ANKFN1: variants seen among roughly 807,000 people sequenced by gnomAD.
The protein encoded by ANKFN1 is ankyrin repeat and fibronectin type III domain containing 1.
In ANKFN1, 74 loss-of-function variants were observed where a neutral mutation model predicts 108.7. The ratio of observed to expected loss-of-function variants is 0.68; its 90% CI spans 0.56 to 0.83. The LOEUF (loss-of-function observed/expected upper bound fraction) is 0.83, where lower values mean the gene tolerates loss of function less well. ANKFN1 is among the 40% of genes least tolerant of loss of function. The pLI is 0.00. For synonymous variants in ANKFN1, 547 were observed against 516.2 expected (o/e 1.06, Z -0.81); for missense variants, 1,505 against 1,382.3 (o/e 1.09, Z -1.41).
At chr17:56,246,553 T>C (rs1917971802) in intron 3 of ANKFN1, among the ~76,000 whole-genome samples, 1 of 152,146 alleles carries the variant, frequency 6.6e-6, no homozygotes, top group Admixed American at 6.6e-5. Flanking sequence ...TTTTTTTCCC[T>C]GGTGGAGCAC....
intron 8 of ANKFN1, among the ~76,000 whole-genome samples, chr17:56,383,701 C>A (rs1350679007): frequency 6.6e-6 from 1 of 152,178 alleles, no homozygotes; most frequent in African/African-American, 2.4e-5. Context: ...ACTACAAACA[C>A]CTCTATGCAA....
At chr17:56,298,757 A>G (rs1030639960) in intron 3 of ANKFN1, among the ~76,000 whole-genome samples, 1 of 152,242 alleles carries the variant, frequency 6.6e-6, no homozygotes, top group Non-Finnish European at 1.5e-5. Context: ...ATTTTCACAC[A>G]CAATGTACAG....
chr17:56,229,313 G>A (rs1288003126), intron 3 of ANKFN1, among the ~76,000 whole-genome samples: 2 of 151,950 alleles, frequency 1.3e-5, no homozygotes, highest in Non-Finnish European at 2.9e-5. Flanking sequence ...TCTCCTTTTC[G>A]TGTGCTGTCA....
chr17:56,396,047 CAAAAA>C (rs201799240), intron 8 of ANKFN1, among the ~76,000 whole-genome samples: 7 of 151,858 alleles, frequency 4.6e-5, no homozygotes, highest in Admixed American at 6.6e-5. Context: ...CAAAACAAAA[CAAAAA>C]AAACAAAAAA....
chr17:56,214,165 G>A (rs572279285), intron 2 of ANKFN1, among the ~76,000 whole-genome samples: 2 of 152,232 alleles, frequency 1.3e-5, no homozygotes, highest in Admixed American at 6.5e-5. Flanking sequence ...TCACAAAAAT[G>A]TGGGGAGGTC....
chr17:56,285,015 T>C (rs915162138), intron 3 of ANKFN1, among the ~76,000 whole-genome samples: 1 of 152,210 alleles, frequency 6.6e-6, no homozygotes, highest in Non-Finnish European at 1.5e-5. Flanking sequence ...CAAGATCTTA[T>C]TTCTTCTGTG....
intron 4 of ANKFN1, among the ~76,000 whole-genome samples, chr17:56,340,991 T>C (rs1374358023): frequency 6.6e-6 from 1 of 152,120 alleles, no homozygotes; most frequent in Non-Finnish European, 1.5e-5. Flanking sequence ...GAGCAGTGGT[T>C]TTAGTTCTCC....
At chr17:56,298,059 A>G (rs547157423) in intron 3 of ANKFN1, among the ~76,000 whole-genome samples, 18 of 152,304 alleles carry the variant, frequency 1.2e-4, no homozygotes, top group African/African-American at 4.1e-4. Context: ...AAACTTGGAA[A>G]CTTGGTAAAA....
intron 3 of ANKFN1, among the ~76,000 whole-genome samples, chr17:56,273,102 T>G (rs1404419490): frequency 6.6e-6 from 1 of 152,198 alleles, no homozygotes; most frequent in Non-Finnish European, 1.5e-5. Context: ...TGGCTGACAC[T>G]CCGAATCTCT....
At chr17:56,164,072 C>G (rs1198979849) in intron 1 of ANKFN1, among the ~76,000 whole-genome samples, 1 of 152,138 alleles carries the variant, frequency 6.6e-6, no homozygotes, top group Non-Finnish European at 1.5e-5. Flanking sequence ...AATGTGGACC[C>G]CCAAGGCCTC....
chr17:56,343,579 C>T (rs575185705), intron 4 of ANKFN1, among the ~76,000 whole-genome samples: 6 of 151,936 alleles, frequency 3.9e-5, no homozygotes, highest in African/African-American at 1.4e-4. Context: ...ATGTGGCTCT[C>T]TTTGAGTTTA....
intron 4 of ANKFN1, among the ~76,000 whole-genome samples, chr17:56,058,623 T>C (rs1904921478): frequency 2.0e-5 from 1 of 49,986 alleles, no homozygotes; most frequent in African/African-American, 1.4e-4. Context: ...TGTGTGTTGT[T>C]CCGCTCCGTG....
chr17:56,450,365 A>T (rs2049442278), intron 11 of ANKFN1, among the ~76,000 whole-genome samples: 1 of 152,228 alleles, frequency 6.6e-6, no homozygotes, highest in South Asian at 2.1e-4. Context: ...GGTTGTTCCC[A>T]ATTACTACAT....
At chr17:56,355,769 A>G (rs1374554570) in intron 6 of ANKFN1, among the ~76,000 whole-genome samples, 1 of 152,162 alleles carries the variant, frequency 6.6e-6, no homozygotes, top group Non-Finnish European at 1.5e-5. Flanking sequence ...AATTCTGGAT[A>G]TATTTTTAAC....
chr17:56,405,718 A>G (rs2144960985), intron 8 of ANKFN1, among the ~76,000 whole-genome samples: 1 of 152,316 alleles, frequency 6.6e-6, no homozygotes, highest in Admixed American at 6.5e-5. Context: ...TATAAAAAAG[A>G]ATGTGGGATC....
At chr17:56,053,259 G>A (rs962861512) in intron 4 of ANKFN1, among the ~76,000 whole-genome samples, 4 of 151,940 alleles carry the variant, frequency 2.6e-5, no homozygotes, top group African/African-American at 9.7e-5. Context: ...AGGATAAATG[G>A]GGCATCCATC....
chr17:56,159,891 C>T (rs1323289113), intron 1 of ANKFN1, among the ~76,000 whole-genome samples: 1 of 143,748 alleles, frequency 7.0e-6, no homozygotes, highest in Admixed American at 7.4e-5. Flanking sequence ...AGGATATAAC[C>T]AAGGGGGCCA....
chr17:56,094,786 T>C (rs1383071459), intron 4 of ANKFN1, among the ~76,000 whole-genome samples: 1 of 149,858 alleles, frequency 6.7e-6, no homozygotes, highest in Non-Finnish European at 1.5e-5. Flanking sequence ...TCCCAAAGTG[T>C]CGGGATTACA....
intron 1 of ANKFN1, among the ~76,000 whole-genome samples, chr17:56,207,572 A>C (rs1914639809): frequency 6.6e-6 from 1 of 152,126 alleles, no homozygotes; most frequent in South Asian, 2.1e-4. Context: ...CATCTCTGCC[A>C]CCTTCATTCC....
Sources: gnomAD v4.1 joint callset for allele counts (sites outside exome capture counted in the v4.1 genomes callset) on GRCh38, gnomAD v4.1.1 for gene constraint, MANE v1.5 for transcripts, NCBI Gene and HGNC (gene_info 2026-07-23, HGNC 2026-07-21) for gene names.